EEFSEC: variants seen among roughly 807,000 people sequenced by gnomAD.
EEFSEC encodes the protein selenocysteine-specific elongation factor.
In EEFSEC, 43 loss-of-function variants were observed where a neutral mutation model predicts 42.1. The ratio of observed to expected loss-of-function variants is 1.02; its 90% CI spans 0.80 to 1.32. The LOEUF is 1.32. Ranked by LOEUF, EEFSEC falls within the 40% of genes most tolerant of loss-of-function variation. The pLI, the probability that EEFSEC is intolerant of heterozygous loss-of-function variation, is 0.00. For synonymous variants in EEFSEC, 354 were observed against 339.1 expected (o/e 1.04, Z -0.48); for missense variants, 745 against 803.6 (o/e 0.93, Z 0.88).
chr3:128,165,295 C>G (rs746517518), intron 1 of EEFSEC, among the ~76,000 whole-genome samples: 3 of 152,248 alleles, frequency 2.0e-5, no homozygotes, highest in African/African-American at 4.8e-5. Flanking sequence ...TGCTCTCAGA[C>G]CTTAGCACAT....
At chr3:128,295,078 C>T (rs1304317155) in intron 4 of EEFSEC, among the ~76,000 whole-genome samples, 1 of 152,168 alleles carries the variant, frequency 6.6e-6, no homozygotes, top group Non-Finnish European at 1.5e-5. Context: ...CTGGAATGTG[C>T]TCAGTTGAGG....
In EEFSEC at chr3:128,293,297, A is replaced by G. The variant is rs796715854; in HGVS notation, c.786+28516A>G. On this transcript the variant is annotated intron_variant, in intron 4 of 6. Coordinates refer to ENST00000254730, the MANE Select transcript of EEFSEC (RefSeq NM_021937.5). Reference sequence around the variant, plus strand: ...CCTAGGTGAAGGCAGTTGTGGATGCATAGAGAATCAGTTCAGAGTAGAAAA... The same window carrying G: ...CCTAGGTGAAGGCAGTTGTGGATGCGTAGAGAATCAGTTCAGAGTAGAAAA... Among the ~76,000 whole-genome samples, 9 of 152,334 alleles carry G rather than the reference A, an allele frequency of 5.9e-5. No individual in the cohort carries two copies. The East Asian group carries it at 1.5e-3, about 26-fold the overall frequency.
chr3:128,399,590 G>C (rs543326997), intron 6 of EEFSEC, among the ~76,000 whole-genome samples: 39 of 151,672 alleles, frequency 2.6e-4, no homozygotes, highest in African/African-American at 7.7e-4. Flanking sequence ...CAAGGAGCCG[G>C]CCCCCCCCAG....
intron 6 of EEFSEC, among the ~76,000 whole-genome samples, chr3:128,400,487 T>G (rs2068036410): frequency 6.6e-6 from 1 of 152,208 alleles, no homozygotes; most frequent in South Asian, 2.1e-4. Flanking sequence ...ATCACCAGGA[T>G]GCTGACCCCA....
chr3:128,290,739 G>A (rs1384583739), intron 4 of EEFSEC, among the ~76,000 whole-genome samples: 3 of 151,890 alleles, frequency 2.0e-5, no homozygotes, highest in East Asian at 1.9e-4. Context: ...GTTTTTTGGG[G>A]TTGTTTTGTT....
the EEFSEC span, among the ~76,000 whole-genome samples, chr3:128,416,980 T>C: frequency 2.0e-5 from 3 of 152,084 alleles, no homozygotes; most frequent in Admixed American, 2.0e-4. Flanking sequence ...TCGTGGTGGG[T>C]GCGGTCAGCC....
intron 6 of EEFSEC, 64 bp from the exon 7 acceptor site, chr3:128,408,005 G>T (rs773383535): frequency 1.4e-6 from 2 of 1,447,466 alleles, no homozygotes; most frequent in Admixed American, 4.7e-5. Context: ...GCAGGTGCGC[G>T]GGCAGGGAGC....
intron 6 of EEFSEC, among the ~76,000 whole-genome samples, chr3:128,406,683 C>T (rs1186777839): frequency 2.0e-5 from 3 of 151,910 alleles, no homozygotes; most frequent in Admixed American, 6.6e-5. Flanking sequence ...CATGGTGGCA[C>T]GAGCCTGTGG....
intron 2 of EEFSEC, among the ~76,000 whole-genome samples, chr3:128,260,227 A>T (rs1242159281): frequency 6.6e-6 from 1 of 152,060 alleles, no homozygotes; most frequent in Non-Finnish European, 1.5e-5. Context: ...TGCAAATCTT[A>T]TTATGGATTC....
the EEFSEC span, among the ~76,000 whole-genome samples, chr3:128,422,809 C>A: frequency 2.4e-4 from 36 of 152,344 alleles, no homozygotes; most frequent in East Asian, 7.7e-4. Flanking sequence ...CAGGGACAGC[C>A]AGCCCAGGCT....
At chr3:128,224,779 C>A (rs2065892759) in intron 1 of EEFSEC, among the ~76,000 whole-genome samples, 1 of 152,226 alleles carries the variant, frequency 6.6e-6, no homozygotes, top group Non-Finnish European at 1.5e-5. Flanking sequence ...AGTACCCTAT[C>A]TATATTTAGA....
chr3:128,375,568 C>G (rs1576682506), intron 6 of EEFSEC, among the ~76,000 whole-genome samples: 1 of 152,350 alleles, frequency 6.6e-6, no homozygotes, highest in Non-Finnish European at 1.5e-5. Context: ...CTGCAGCAGC[C>G]CATAGCAGCT....
chr3:128,366,094 G>T (rs971155836), intron 6 of EEFSEC, among the ~76,000 whole-genome samples: 1 of 152,252 alleles, frequency 6.6e-6, no homozygotes, highest in Non-Finnish European at 1.5e-5. Flanking sequence ...CTATTTGCTA[G>T]AAATATGGGT....
intron 2 of EEFSEC, among the ~76,000 whole-genome samples, chr3:128,261,537 T>C (rs1187675937): frequency 6.7e-6 from 1 of 149,340 alleles, no homozygotes; most frequent in Non-Finnish European, 1.5e-5. Flanking sequence ...GGGTTATTTA[T>C]TTTCTCTTTC....
At chr3:128,409,361 C>CGT (rs60523218), downstream of EEFSEC, among the ~76,000 whole-genome samples, 15,071 of 149,714 alleles carry the variant, frequency 0.1, 2,075 homozygotes, top group African/African-American at 0.32. Flanking sequence ...GCCCCAGAGC[C>CGT]GTGTGTGTGT....
chr3:128,381,730 C>T (rs1353401148), intron 6 of EEFSEC, among the ~76,000 whole-genome samples: 1 of 152,156 alleles, frequency 6.6e-6, no homozygotes, highest in Admixed American at 6.5e-5. Flanking sequence ...GCAGGTCTGA[C>T]ACGGAAGGGG....
At chr3:128,389,863 C>T (rs541852413) in intron 6 of EEFSEC, among the ~76,000 whole-genome samples, 24 of 152,334 alleles carry the variant, frequency 1.6e-4, no homozygotes, top group African/African-American at 4.3e-4. Context: ...AGCACCTAGC[C>T]GGTCAAGCCT....
chr3:128,318,685 C>A (rs1159428052), intron 4 of EEFSEC, among the ~76,000 whole-genome samples: 1 of 152,226 alleles, frequency 6.6e-6, no homozygotes, highest in Non-Finnish European at 1.5e-5. Context: ...TCAGTGTCAC[C>A]TATTTGCCAG....
At chr3:128,274,422 C>T (rs1366525871) in intron 4 of EEFSEC, among the ~76,000 whole-genome samples, 2 of 152,230 alleles carry the variant, frequency 1.3e-5, no homozygotes, top group Non-Finnish European at 2.9e-5. Context: ...GGAGCCCTGG[C>T]AGTCAGGCAG....
Sources: gnomAD v4.1 joint callset for allele counts (sites outside exome capture counted in the v4.1 genomes callset) on GRCh38, gnomAD v4.1.1 for gene constraint, MANE v1.5 for transcripts, NCBI Gene and HGNC (gene_info 2026-07-23, HGNC 2026-07-21) for gene names.